Variants in C6 observed in about 807,000 individuals in gnomAD.
The protein encoded by C6 is complement component C6.
In C6, 101 loss-of-function variants were observed where a neutral mutation model predicts 112.9. The observed-to-expected ratio is 0.89, with a 90% confidence interval of 0.76 to 1.06. The LOEUF is 1.06. C6 is among the 50% of genes least tolerant of loss of function. C6 has a pLI of 0.00. For synonymous variants in C6, 431 were observed against 384.1 expected (o/e 1.12, Z -1.43); for missense variants, 1,202 against 1,104.6 (o/e 1.09, Z -1.25).
intron 1 of C6, among the ~76,000 whole-genome samples, chr5:41,208,068 A>AACTC (rs1330885856): frequency 1.3e-5 from 2 of 151,654 alleles, no homozygotes; most frequent in Non-Finnish European, 3.0e-5. Flanking sequence ...AGGGTTAAGA[A>AACTC]ACTCAAAACG....
chr5:41,198,368 A>G (rs887352099), intron 4 of C6, among the ~76,000 whole-genome samples: 37 of 152,170 alleles, frequency 2.4e-4, no homozygotes, highest in African/African-American at 8.7e-4. Flanking sequence ...ACCATCTTCA[A>G]TGGAATATTT....
upstream of C6, among the ~76,000 whole-genome samples, chr5:41,214,587 T>C (rs778114273): frequency 3.3e-5 from 5 of 152,182 alleles, no homozygotes; most frequent in Admixed American, 2.0e-4. Flanking sequence ...CAGACCAGTG[T>C]TGAAGCTAGT....
At chr5:41,198,707 T>A (rs1482516807) in intron 4 of C6, among the ~76,000 whole-genome samples, 4 of 152,206 alleles carry the variant, frequency 2.6e-5, no homozygotes, top group Non-Finnish European at 4.4e-5. Flanking sequence ...TCTCAAACTT[T>A]AAGTATTTTT....
At chr5:41,251,190 A>G (rs913464815) in intron 1 of C6, among the ~76,000 whole-genome samples, 1 of 152,332 alleles carries the variant, frequency 6.6e-6, no homozygotes, top group East Asian at 1.9e-4. Context: ...GCATTGAATC[A>G]GGTTTACATG....
chr5:41,151,097 T>C (rs1302324303), intron 15 of C6, among the ~76,000 whole-genome samples: 1 of 151,746 alleles, frequency 6.6e-6, no homozygotes. Context: ...AAGCAGGGAG[T>C]GGTGTAACAA....
chr5:41,215,955 G>A (rs532735133), upstream of C6, among the ~76,000 whole-genome samples: 3 of 152,134 alleles, frequency 2.0e-5, no homozygotes, highest in South Asian at 4.1e-4. Context: ...TTAGAGCCAA[G>A]GCTAATGACC....
chr5:41,243,963 A>G (rs553757174), intron 1 of C6, among the ~76,000 whole-genome samples: 1 of 152,304 alleles, frequency 6.6e-6, no homozygotes, highest in South Asian at 2.1e-4. Context: ...ATAACACACA[A>G]TATTGTCTTC....
chr5:41,158,077 C>T (rs1580063751), intron 13 of C6, among the ~76,000 whole-genome samples: 1 of 152,090 alleles, frequency 6.6e-6, no homozygotes, highest in Admixed American at 6.6e-5. Context: ...GGAAGCATGA[C>T]TTCTGTGATC....
chr5:41,145,734 C>T (rs1342924901), intron 17 of C6, among the ~76,000 whole-genome samples: 1 of 152,094 alleles, frequency 6.6e-6, no homozygotes, highest in Non-Finnish European at 1.5e-5. Flanking sequence ...GATTCTTGTT[C>T]ATTGTTGGAA....
chr5:41,217,785 G>A (rs1476135157), upstream of C6, among the ~76,000 whole-genome samples: 1 of 151,992 alleles, frequency 6.6e-6, no homozygotes, highest in African/African-American at 2.4e-5. Flanking sequence ...AACTTAGGTT[G>A]GATTCCAATT....
chr5:41,148,491 T>G (rs1159799915), intron 17 of C6, among the ~76,000 whole-genome samples: 1 of 152,020 alleles, frequency 6.6e-6, no homozygotes, highest in African/African-American at 2.4e-5. Flanking sequence ...CAAATTAGAG[T>G]GTCAGCATCA....
intron 2 of C6, 59 bp from the exon 3 acceptor site, chr5:41,201,773 A>C: frequency 2.8e-6 from 4 of 1,410,468 alleles, no homozygotes; most frequent in Non-Finnish European, 4.0e-6. Context: ...ATCCTGCTCC[A>C]TAATCAAAGT....
intron 4 of C6, among the ~76,000 whole-genome samples, chr5:41,199,369 T>C (rs1436934609): frequency 2.0e-5 from 3 of 152,184 alleles, no homozygotes; most frequent in Admixed American, 2.0e-4. Flanking sequence ...ATAGCCATGC[T>C]CATTTGTGTA....
rs1173725008 is a variant in C6, at chr5:41,181,382, C to A, written c.904G>T (p.Ala302Ser). The change falls in exon 7 of 18, where the codon GCC becomes TCC. Residue 302 changes from alanine (A) to serine (S), a missense_variant. Transcript: ENST00000337836. ...ACCTTTTTGTGAGAGGCTTGAATGG[C>A]TTGTTTGAAGGCAGAATTATGGTTG... ...NINHNSAFKQAIQASHKKDSS... is the reference protein window; with the variant it reads ...NINHNSAFKQSIQASHKKDSS... The A allele has an allele frequency of 1.2e-6, 2 of 1,613,588 alleles. No homozygotes were observed. Among genetic ancestry groups the A allele is most frequent in the Non-Finnish European group, 1.7e-6 (2 of 1,179,784 alleles).
exon 1 of C6, chr5:41,261,222 G>A: frequency 1.0e-6 from 1 of 985,560 alleles, no homozygotes; most frequent in Non-Finnish European, 1.2e-6. Context: ...AGAAATACCA[G>A]CAGATACTTC....
At chr5:41,228,961 T>C (rs758650636) in intron 1 of C6, among the ~76,000 whole-genome samples, 32 of 152,162 alleles carry the variant, frequency 2.1e-4, no homozygotes, top group Non-Finnish European at 3.7e-4. Context: ...CTTAGGCTAA[T>C]GCTTACATTG....
chr5:41,201,598 A>T lies in C6; in HGVS notation c.260T>A (p.Phe87Tyr). The change falls in exon 3 of 18, where the codon TTT becomes TAT. Residue 87 changes from phenylalanine (F) to tyrosine (Y), a missense_variant. Phe to Tyr is a conservative substitution (Grantham distance 22). Coordinates refer to ENST00000337836, the MANE Select transcript of C6 (RefSeq NM_000065.5). ...RCPINCLLGD[F>Y]GPWSDCDPCI... ...AGGGTCACAGTCTGACCATGGTCCA[A>T]AATCTCCCAGGAGGCAGTTGATGGG... 6.2e-7 allele frequency: 1 copy of T among 1,613,694 alleles called. No homozygotes were observed. Among genetic ancestry groups the T allele is most frequent in the Non-Finnish European group, 8.5e-7 (1 of 1,179,898 alleles).
chr5:41,158,845 G>T, intron 12 of C6, 60 bp from the exon 13 acceptor site: 2 of 1,058,278 alleles, frequency 1.9e-6, no homozygotes, highest in Non-Finnish European at 1.5e-6. Context: ...TTACATGTGT[G>T]TATATGCTTA....
intron 7 of C6, among the ~76,000 whole-genome samples, chr5:41,178,985 C>G (rs1432893811): frequency 6.6e-6 from 1 of 152,134 alleles, no homozygotes; most frequent in African/African-American, 2.4e-5. Flanking sequence ...TCCTGAGTAG[C>G]TGGGATCACA....
Sources: allele counts gnomAD v4.1 joint callset (sites outside exome capture counted in the v4.1 genomes callset), GRCh38; gene constraint gnomAD v4.1.1; transcripts MANE v1.5; gene names NCBI Gene and HGNC (gene_info 2026-07-23, HGNC 2026-07-21).